Variants in CCDC102B observed in about 807,000 individuals in gnomAD.
CCDC102B encodes coiled-coil domain-containing protein 102B.
Under a neutral mutation model 57.4 loss-of-function variants are expected in CCDC102B, and 75 were observed. The ratio of observed to expected loss-of-function variants is 1.31; its 90% CI spans 1.08 to 1.58. CCDC102B has a LOEUF of 1.58. CCDC102B is among the 40% of genes most tolerant of loss of function. The pLI, the probability that CCDC102B is intolerant of heterozygous loss-of-function variation, is 0.00. For synonymous variants in CCDC102B, 206 were observed against 201.9 expected, an observed-to-expected ratio of 1.02 and a Z score of -0.17; for missense variants, 636 against 582.6, an observed-to-expected ratio of 1.09 and a Z score of -0.94.
intron 2 of CCDC102B, among the ~76,000 whole-genome samples, chr18:68,765,391 A>G (rs1429063273): frequency 6.7e-6 from 1 of 149,522 alleles, no homozygotes; most frequent in Non-Finnish European, 1.5e-5. Flanking sequence ...AGAAAGAAAG[A>G]AAAGAAAGGA....
chr18:68,985,328 T>G (rs1045936327), intron 6 of CCDC102B, among the ~76,000 whole-genome samples: 3 of 152,182 alleles, frequency 2.0e-5, no homozygotes, highest in African/African-American at 7.2e-5. Context: ...ACAGGTTTAG[T>G]ATACATCGTT....
intron 1 of CCDC102B, among the ~76,000 whole-genome samples, chr18:68,830,878 A>G (rs180687584): frequency 2.6e-5 from 4 of 152,086 alleles, no homozygotes; most frequent in Admixed American, 2.6e-4. Context: ...GCGAAGCACC[A>G]TAAAGGCTTC....
intron 6 of CCDC102B, among the ~76,000 whole-genome samples, chr18:69,001,719 G>A (rs1182295638): frequency 6.6e-6 from 1 of 151,632 alleles, no homozygotes; most frequent in Non-Finnish European, 1.5e-5. Flanking sequence ...CTCTGTCCTT[G>A]GTGCTAATCA....
At chr18:68,729,160 C>A (rs1046673900) in intron 2 of CCDC102B, among the ~76,000 whole-genome samples, 1 of 151,978 alleles carries the variant, frequency 6.6e-6, no homozygotes, top group South Asian at 2.1e-4. Context: ...AAAGATGTGG[C>A]AGCTATATGA....
chr18:68,741,273 CA>C (rs1599393673), intron 2 of CCDC102B, among the ~76,000 whole-genome samples: 1 of 152,282 alleles, frequency 6.6e-6, no homozygotes, highest in East Asian at 1.9e-4. Flanking sequence ...TTGTTTGGGG[CA>C]GGGCAAATAC....
downstream of CCDC102B, among the ~76,000 whole-genome samples, chr18:69,057,017 A>G (rs2052829882): frequency 6.6e-6 from 1 of 152,032 alleles, no homozygotes; most frequent in Non-Finnish European, 1.5e-5. Flanking sequence ...CACCTGGCAT[A>G]ATGTCCTCAA....
chr18:68,882,590 C>T (rs1288646325), intron 5 of CCDC102B, among the ~76,000 whole-genome samples: 1 of 152,136 alleles, frequency 6.6e-6, no homozygotes, highest in Non-Finnish European at 1.5e-5. Context: ...CCTAAATAAG[C>T]CAAGAATGTA....
rs933264790 is a variant in CCDC102B, at chr18:69,050,942, T to C, written c.1435-3088T>C. On this transcript the variant is annotated intron_variant, in intron 7 of 7. Transcript: ENST00000360242. Reference sequence around the variant, plus strand: ...GCTCTTCACTCAGGTTGGTGTACAGTGGTATGATCATAGCTTACCATAATC... The same window carrying C: ...GCTCTTCACTCAGGTTGGTGTACAGCGGTATGATCATAGCTTACCATAATC... Among the ~76,000 whole-genome samples the C allele has an allele frequency of 4.6e-5, 7 of 152,282 alleles. No homozygotes were observed. The East Asian group carries it at 1.4e-3, about 30-fold the overall frequency.
intron 6 of CCDC102B, among the ~76,000 whole-genome samples, chr18:68,922,688 G>T (rs561369188): frequency 1.3e-5 from 2 of 151,926 alleles, no homozygotes; most frequent in African/African-American, 4.8e-5. Flanking sequence ...TAGTTGTTGC[G>T]GTTTCTTCTC....
At chr18:68,822,319 G>A (rs28521311) in intron 1 of CCDC102B, among the ~76,000 whole-genome samples, 65,490 of 151,654 alleles carry the variant, frequency 0.43, 15,455 homozygotes, top group East Asian at 0.86. Context: ...ACTTGAACCT[G>A]GGAGGCGTAG....
intron 6 of CCDC102B, among the ~76,000 whole-genome samples, chr18:69,004,804 C>T (rs922605638): frequency 1.2e-4 from 18 of 152,010 alleles, no homozygotes; most frequent in African/African-American, 2.9e-4. Context: ...TATTGGCACA[C>T]GGTAGACATT....
intron 4 of CCDC102B, among the ~76,000 whole-genome samples, chr18:68,852,429 G>T (rs993524923): frequency 2.0e-5 from 3 of 152,164 alleles, no homozygotes; most frequent in African/African-American, 7.2e-5. Flanking sequence ...AAATGGCATA[G>T]TGTTTTCATA....
intron 7 of CCDC102B, among the ~76,000 whole-genome samples, chr18:69,047,614 T>A (rs765916372): frequency 3.9e-5 from 6 of 152,084 alleles, no homozygotes; most frequent in South Asian, 2.1e-4. Flanking sequence ...TGTTTGCAGA[T>A]GACGTGATTC....
At chr18:68,898,199 A>C in intron 6 of CCDC102B, among the ~76,000 whole-genome samples, 1 of 152,038 alleles carries the variant, frequency 6.6e-6, no homozygotes, top group East Asian at 1.9e-4. Flanking sequence ...TTAATGCACA[A>C]TTCTATTTCT....
At chr18:69,039,745 T>G (rs569995955) in intron 7 of CCDC102B, among the ~76,000 whole-genome samples, 1 of 152,062 alleles carries the variant, frequency 6.6e-6, no homozygotes, top group East Asian at 1.9e-4. Flanking sequence ...TTTTTGCCAT[T>G]TATTACTTCC....
chr18:68,758,818 G>A (rs562811104), intron 2 of CCDC102B, among the ~76,000 whole-genome samples: 1 of 151,352 alleles, frequency 6.6e-6, no homozygotes, highest in African/African-American at 2.4e-5. Flanking sequence ...TTAAGACTTG[G>A]TGTTTCCTTA....
chr18:68,736,487 T>A (rs915340349), intron 2 of CCDC102B, among the ~76,000 whole-genome samples: 7 of 152,212 alleles, frequency 4.6e-5, no homozygotes, highest in Non-Finnish European at 1.0e-4. Flanking sequence ...TGTTGTTGCC[T>A]TGCACCGCGC....
chr18:68,960,937 T>C (rs770848833), intron 6 of CCDC102B, among the ~76,000 whole-genome samples: 1 of 152,156 alleles, frequency 6.6e-6, no homozygotes, highest in Non-Finnish European at 1.5e-5. Flanking sequence ...TTCCTTAATA[T>C]GATGTGTTAA....
chr18:68,916,289 A>G (rs2041071555), intron 6 of CCDC102B, among the ~76,000 whole-genome samples: 1 of 152,166 alleles, frequency 6.6e-6, no homozygotes. Context: ...CTACCACAGC[A>G]TGTGCCAAAC....
Sources: gnomAD v4.1 joint callset for allele counts (sites outside exome capture counted in the v4.1 genomes callset) on GRCh38, gnomAD v4.1.1 for gene constraint, MANE v1.5 for transcripts, NCBI Gene and HGNC (gene_info 2026-07-23, HGNC 2026-07-21) for gene names.